The following ZMYM4 variants were observed in gnomAD, a reference collection of about 807,000 sequenced individuals.
ZMYM4 encodes the protein zinc finger MYM-type containing 4.
In ZMYM4, 31 loss-of-function variants were observed where a neutral mutation model predicts 183.2. That is an observed-to-expected ratio of 0.17 (90% CI 0.13 to 0.23). The LOEUF (loss-of-function observed/expected upper bound fraction) is 0.23. Among genes scored for constraint, ZMYM4 ranks in the 10% least tolerant of loss-of-function variants. ZMYM4 has a pLI of 1.00. For synonymous variants in ZMYM4, 592 were observed against 631.2 expected (o/e 0.94, Z 0.93); for missense variants, 1,273 against 1,840.3 (o/e 0.69, Z 5.64).
intron 1 of ZMYM4, among the ~76,000 whole-genome samples, chr1:35,319,106 C>T (rs2148805851): frequency 6.6e-6 from 1 of 152,194 alleles, no homozygotes; most frequent in Non-Finnish European, 1.5e-5. Flanking sequence ...TCTCGAACTC[C>T]CGACCTCAGG....
intron 1 of ZMYM4, among the ~76,000 whole-genome samples, chr1:35,307,400 G>A (rs1431157857): frequency 6.6e-6 from 1 of 151,748 alleles, no homozygotes; most frequent in Non-Finnish European, 1.5e-5. Context: ...CATCACATGG[G>A]TACCCTTGGA....
chr1:35,408,226 A>C, intron 26 of ZMYM4, 67 bp downstream of exon 26: 2 of 1,574,934 alleles, frequency 1.3e-6, no homozygotes, highest in Non-Finnish European at 1.7e-6. Context: ...TCCCCACAGA[A>C]ATTACATGCA....
intron 1 of ZMYM4, among the ~76,000 whole-genome samples, chr1:35,318,598 C>T (rs1642156022): frequency 6.6e-6 from 1 of 152,010 alleles, no homozygotes; most frequent in South Asian, 2.1e-4. Context: ...GCTGGGATTA[C>T]AGGCATGTGC....
chr1:35,405,242 T>C (rs1189741277), intron 24 of ZMYM4, 48 bp downstream of exon 24: 4 of 1,600,438 alleles, frequency 2.5e-6, no homozygotes, highest in Middle Eastern at 1.7e-4. Context: ...GGGGGAAATA[T>C]ACAGATAATC....
intron 1 of ZMYM4, among the ~76,000 whole-genome samples, chr1:35,311,251 C>T (rs924645116): frequency 6.6e-6 from 1 of 152,018 alleles, no homozygotes. Flanking sequence ...GAAACCCCGT[C>T]TCTACTAAAA....
rs1041192077 is a variant in ZMYM4, at chr1:35,268,988, G to T, written c.-59G>T. 7.3e-6 allele frequency: 11 copies of T among 1,499,434 alleles called. No individual in the cohort carries two copies. Among genetic ancestry groups the T allele is most frequent in the Non-Finnish European group, 9.8e-6 (11 of 1,123,238 alleles). 92.9% of individuals were successfully genotyped at this position (1,499,434 alleles called of 1,614,324 possible). ...CTGCAGTGTGGGCGGGGGCCGGGGG[G>T]CCGAGAGGTACCGCCGCCACCGCGC... is the stretch of plus-strand genomic sequence containing the variant. On this transcript the variant is annotated 5_prime_UTR_variant, in exon 1 of 30. Transcript: ENST00000314607.
In ZMYM4 at chr1:35,309,492, G is replaced by T. The variant is rs148774225; in HGVS notation, c.40-15868G>T. Among the ~76,000 whole-genome samples the T allele has an allele frequency of 3.9e-3, 598 of 152,246 alleles. 3 individuals are homozygous for T. Among genetic ancestry groups the T allele is most frequent in the Non-Finnish European group, 4.8e-3 (328 of 68,028 alleles). On this transcript the variant is annotated intron_variant, in intron 1 of 29. Transcript: ENST00000314607. Reference sequence around the variant, plus strand: ...AATAATTTGTCTAATATTTGGCTTTGTACTGATCATTTATATGTGTATAAT... The same window carrying T: ...AATAATTTGTCTAATATTTGGCTTTTTACTGATCATTTATATGTGTATAAT...
rs552172550 is a variant in ZMYM4 at position 35,414,092 on chromosome 1, A to ATT, written c.4060+18_4060+19dup. On this transcript the variant is annotated intron_variant, in intron 27 of 29. Transcript: ENST00000314607. ...TACAATACTTCCTAATGGTAGGGTG[A>ATT]TTTTTTTTTTATTGTTTTCATGATA... is the stretch of plus-strand genomic sequence containing the variant. 2.2e-5 allele frequency: 29 copies of ATT among 1,320,082 alleles called. No individual in the cohort carries two copies. The highest frequency in any genetic ancestry group is 7.7e-5 in the East Asian group (3 of 38,762). The allele number at this position is 1,320,082 out of a possible 1,614,324, so 81.8% of individuals were successfully genotyped here.
chr1:35,398,908 T>C lies in ZMYM4; in HGVS notation c.3298T>C (p.Ser1100Pro), dbSNP rs769271963. The C allele has an allele frequency of 6.2e-7, 1 of 1,614,162 alleles. No homozygotes were observed. Among genetic ancestry groups the C allele is most frequent in the Admixed American group, 1.7e-5 (1 of 60,026 alleles). ...TGGTGATCTTGAATCAGAGGCAGTA[T>C]CTACTCCACATAGCTGGGAGGAAGA... ...YSGDLESEAV[S>P]TPHSWEEELN... The change falls in exon 22 of 30, where the codon TCT (serine) becomes CCT (proline). Residue 1100 changes from serine (S) to proline (P), a missense_variant. Coordinates refer to ENST00000314607, the MANE Select transcript of ZMYM4 (RefSeq NM_005095.3).
chr1:35,332,594 C>T (rs1384660136), intron 2 of ZMYM4, among the ~76,000 whole-genome samples: 2 of 152,050 alleles, frequency 1.3e-5, no homozygotes, highest in Non-Finnish European at 2.9e-5. Flanking sequence ...TGTTACCTTG[C>T]CTTCCTCATA....
Position 35,358,845 on chromosome 1 carries a change from T to A in ZMYM4, c.86-80T>A. The A allele has an allele frequency of 3.3e-6, 4 of 1,199,152 alleles. No homozygotes were observed. The South Asian group carries it at 6.0e-5, about 18-fold the overall frequency. The allele number at this position is 1,199,152 out of a possible 1,614,324, so 74.3% of individuals were successfully genotyped here. ...TATTTTGTTTGAAAAAATATTTATT[T>A]GGTTAAATACCAGACTGACCTTATC... is the stretch of plus-strand genomic sequence containing the variant. On this transcript the variant is annotated intron_variant, in intron 2 of 29. Coordinates refer to ENST00000314607, the MANE Select transcript of ZMYM4 (RefSeq NM_005095.3).
At chr1:35,373,380 C>A (rs866540414) in intron 7 of ZMYM4, among the ~76,000 whole-genome samples, 1 of 132,582 alleles carries the variant, frequency 7.5e-6, no homozygotes, top group African/African-American at 2.8e-5. Flanking sequence ...TTTTTTTTTT[C>A]TTTTTTTTTT....
Position 35,405,359 on chromosome 1 carries a change from T to A in ZMYM4, c.3701-14T>A. 6.3e-7 allele frequency: 1 copy of A among 1,592,212 alleles called. No homozygotes were observed. The highest frequency in any genetic ancestry group is 1.2e-5 in the South Asian group (1 of 86,304). On this transcript the variant is annotated splice_polypyrimidine_tract_variant and intron_variant, in intron 24 of 29. Transcript: ENST00000314607. ...TTTATTTAAACTTTTCTTTTATGTTTCTCTCCTTGTCAGGGGTTGAACAGG... is the reference window on the plus strand; with the variant it reads ...TTTATTTAAACTTTTCTTTTATGTTACTCTCCTTGTCAGGGGTTGAACAGG...
intron 15 of ZMYM4, 79 bp downstream of exon 15, chr1:35,390,177 G>T: frequency 7.3e-7 from 1 of 1,377,176 alleles, no homozygotes; most frequent in Non-Finnish European, 9.7e-7. Flanking sequence ...CAGGAACTGT[G>T]TAAACAGTTG....
chr1:35,396,829 A>G (rs1391321260), intron 19 of ZMYM4, among the ~76,000 whole-genome samples, 159 bp downstream of exon 19: 1 of 152,176 alleles, frequency 6.6e-6, no homozygotes, highest in Non-Finnish European at 1.5e-5. Context: ...GATTATATAA[A>G]TGACTGCTTT....
intron 27 of ZMYM4, among the ~76,000 whole-genome samples, chr1:35,415,126 A>G (rs1381484178): frequency 1.3e-5 from 2 of 152,198 alleles, no homozygotes; most frequent in Non-Finnish European, 2.9e-5. Flanking sequence ...TGTTCTCTAC[A>G]GCTCCTTAGT....
rs376333823 is a variant in ZMYM4, at chr1:35,406,323, T to C, written c.3796+855T>C. Among the ~76,000 whole-genome samples the C allele has an allele frequency of 1.6e-4, 24 of 152,310 alleles. No individual in the cohort carries two copies. In the East Asian group the frequency reaches 3.3e-3, roughly 21 times the overall value. Reference sequence around the variant, plus strand: ...TAAATACACTCCTGTTGTGGAGATTTACTAGGCCATTAACTGCCTAGTAGC... The same window carrying C: ...TAAATACACTCCTGTTGTGGAGATTCACTAGGCCATTAACTGCCTAGTAGC... On this transcript the variant is annotated intron_variant, in intron 25 of 29. Transcript: ENST00000314607.
At chr1:35,396,193 T>C (rs1644805869) in intron 18 of ZMYM4, among the ~76,000 whole-genome samples, 1 of 152,228 alleles carries the variant, frequency 6.6e-6, no homozygotes, top group Admixed American at 6.5e-5. Context: ...TTTTGAAATG[T>C]GCATTATAGC....
At chr1:35,365,463 C>T (rs1290338541) in intron 5 of ZMYM4, among the ~76,000 whole-genome samples, 1 of 151,752 alleles carries the variant, frequency 6.6e-6, no homozygotes, top group African/African-American at 2.4e-5. Context: ...TAATAGAGGA[C>T]GAGCTAATGT....
Sources: allele counts gnomAD v4.1 joint callset (sites outside exome capture counted in the v4.1 genomes callset), GRCh38; gene constraint gnomAD v4.1.1; transcripts MANE v1.5; gene names NCBI Gene and HGNC (gene_info 2026-07-23, HGNC 2026-07-21).